TATDN1: variants seen among roughly 807,000 people sequenced by gnomAD.
TATDN1 encodes TatD DNase domain containing 1.
In TATDN1, 40 loss-of-function variants were observed where a neutral mutation model predicts 46.4. The observed-to-expected ratio is 0.86, with a 90% CI of 0.67 to 1.12. The LOEUF is 1.12. TATDN1 is among the 50% of genes most tolerant of loss of function. The pLI is 0.00. For synonymous variants in TATDN1, 95 were observed against 105.6 expected (o/e 0.90, Z 0.62); for missense variants, 326 against 348.4 (o/e 0.94, Z 0.51).
At chr8:124,519,262 G>A (rs924570698) in intron 3 of TATDN1, among the ~76,000 whole-genome samples, 1 of 152,098 alleles carries the variant, frequency 6.6e-6, no homozygotes, top group Non-Finnish European at 1.5e-5. Context: ...GGTGTAGTCT[G>A]GTAACTCCCA....
chr8:124,520,942 C>CAAAAAAAAAAAAA (rs1162309758), intron 3 of TATDN1, among the ~76,000 whole-genome samples: 1 of 82,246 alleles, frequency 1.2e-5, no homozygotes, highest in Non-Finnish European at 2.5e-5. Flanking sequence ...GACTCCGTCT[C>CAAAAAAAAAAAAA]AAAAAAAAAA....
intron 11 of TATDN1, chr8:124,489,900 G>A (rs1816813666): frequency 6.6e-6 from 1 of 152,166 alleles, no homozygotes; most frequent in Non-Finnish European, 1.5e-5. Context: ...AAGGAATTAA[G>A]GATGGAGATC....
At chr8:124,490,864 C>T (rs911620707) in intron 11 of TATDN1, among the ~76,000 whole-genome samples, 3 of 151,784 alleles carry the variant, frequency 2.0e-5, no homozygotes, top group Non-Finnish European at 4.4e-5. Context: ...CTCACTACAA[C>T]CTCTGCCTCT....
chr8:124,489,660 C>T (rs1816776837), intron 11 of TATDN1: 1 of 152,256 alleles, frequency 6.6e-6, no homozygotes, highest in African/African-American at 2.4e-5. Context: ...TGATCCACCC[C>T]ACCTGGGCCT....
At chr8:124,517,492 T>C (rs894815856) in intron 4 of TATDN1, among the ~76,000 whole-genome samples, 4 of 151,858 alleles carry the variant, frequency 2.6e-5, no homozygotes, top group Non-Finnish European at 5.9e-5. Flanking sequence ...TTAGAGAGAT[T>C]TCCATAAAAA....
At chr8:124,508,444 CTGTA>C in intron 8 of TATDN1, 26 bp downstream of exon 8, 1 of 1,593,470 alleles carries the variant, frequency 6.3e-7, no homozygotes, top group Non-Finnish European at 8.6e-7. Flanking sequence ...GATGTTCAAC[CTGTA>C]TTAAAAATGA....
chr8:124,496,328 C>A (rs1227356712), intron 9 of TATDN1, among the ~76,000 whole-genome samples: 1 of 152,146 alleles, frequency 6.6e-6, no homozygotes, highest in Non-Finnish European at 1.5e-5. Context: ...CATTGATGAA[C>A]CTACCTTGAC....
chr8:124,535,229 A>C (rs1821328764), intron 1 of TATDN1, among the ~76,000 whole-genome samples: 1 of 152,218 alleles, frequency 6.6e-6, no homozygotes, highest in Non-Finnish European at 1.5e-5. Context: ...AGGAGATTCC[A>C]AGGGTTTCAG....
At chr8:124,523,148 G>A (rs934379332) in intron 1 of TATDN1, 146 bp from the exon 2 acceptor site, 9 of 650,396 alleles carry the variant, frequency 1.4e-5, no homozygotes, top group Non-Finnish European at 1.9e-5. Flanking sequence ...CAACTACTGT[G>A]CTAGAAACAT....
In TATDN1 at chr8:124,518,835, T is replaced by C. The variant is rs1819778760; in HGVS notation, c.185A>G (p.His62Arg). The part of the protein sequence containing the change: ...GNLQDSKDAL[H>R]LAQTNGMFFS... ...GAGGATACCATTTGTTTGTGCCAAA[T>C]GCAGTGCATCTTTACTGTCTTGTAG... The change falls in exon 4 of 12, where the codon CAT becomes CGT. Residue 62 changes from histidine to arginine, a missense_variant. His to Arg is a conservative substitution (Grantham distance 29). Transcript: ENST00000276692. 6.2e-7 allele frequency: 1 copy of C among 1,611,676 alleles called. No individual in the cohort carries two copies. The highest frequency in any genetic ancestry group is 1.3e-5 in the African/African-American group (1 of 75,018).
rs2072424421 is a variant in TATDN1 at position 124,501,144 on chromosome 8, C to T, written c.593+3127G>A. 2.6e-5 allele frequency among the ~76,000 whole-genome samples: 4 copies of T among 152,212 alleles called. No individual in the cohort carries two copies. The South Asian group carries it at 8.3e-4, about 32-fold the overall frequency. On this transcript the variant is annotated intron_variant, in intron 9 of 11. Coordinates refer to ENST00000276692, the MANE Select transcript of TATDN1 (RefSeq NM_032026.4). ...GAGGAGTACAGGCGTCAGGCACAGG[C>T]CTGAGCATGGAGACTGGGGCAGCCC... is the stretch of plus-strand genomic sequence containing the variant.
intron 1 of TATDN1, among the ~76,000 whole-genome samples, chr8:124,531,366 C>T (rs557086174): frequency 1.3e-5 from 2 of 152,248 alleles, no homozygotes; most frequent in African/African-American, 2.4e-5. Flanking sequence ...CTGTAACTTT[C>T]GCCAGCTCGC....
intron 6 of TATDN1, among the ~76,000 whole-genome samples, chr8:124,513,393 T>G (rs1225823852): frequency 1.3e-5 from 2 of 152,248 alleles, no homozygotes. Context: ...CCCTCTGCTG[T>G]TCACATACTT....
chr8:124,531,615 T>C (rs963974374), intron 1 of TATDN1, among the ~76,000 whole-genome samples: 7 of 152,186 alleles, frequency 4.6e-5, no homozygotes, highest in Middle Eastern at 3.2e-3. Context: ...CCTACCTCAA[T>C]GAGAATACAT....
chr8:124,505,552 A>G (rs1020071609), intron 8 of TATDN1, among the ~76,000 whole-genome samples: 6 of 151,234 alleles, frequency 4.0e-5, no homozygotes, highest in Non-Finnish European at 5.9e-5. Context: ...AAAAAAAAAA[A>G]GCATAAACCA....
At chr8:124,522,689 G>A (rs528049163) in intron 2 of TATDN1, among the ~76,000 whole-genome samples, 2 of 152,288 alleles carry the variant, frequency 1.3e-5, no homozygotes, top group East Asian at 1.9e-4. Context: ...AAAGTGCTGG[G>A]ATTACAGGCA....
intron 8 of TATDN1, among the ~76,000 whole-genome samples, chr8:124,507,059 G>A (rs1410432410): frequency 6.6e-6 from 1 of 152,096 alleles, no homozygotes; most frequent in African/African-American, 2.4e-5. Flanking sequence ...GTACTTGGGA[G>A]GCTGAGGCAG....
intron 1 of TATDN1, among the ~76,000 whole-genome samples, chr8:124,537,748 G>A (rs895916884): frequency 7.9e-5 from 12 of 151,950 alleles, no homozygotes; most frequent in East Asian, 1.9e-4. Flanking sequence ...GCTAAGACAC[G>A]GCAATGTCTT....
rs192842257 is a variant in TATDN1 at position 124,500,579 on chromosome 8, A to T, written c.593+3692T>A. Among the ~76,000 whole-genome samples the T allele has an allele frequency of 9.2e-5, 14 of 151,892 alleles. No homozygotes were observed. The East Asian group carries it at 2.5e-3, about 27-fold the overall frequency. Reference sequence around the variant, plus strand: ...GACATTAGCCAAGCATGGTGATAGGAGCTTGTGGTCTCAGCTATTATACTT... The same window carrying T: ...GACATTAGCCAAGCATGGTGATAGGTGCTTGTGGTCTCAGCTATTATACTT... On this transcript the variant is annotated intron_variant, in intron 9 of 11. Coordinates refer to ENST00000276692, the MANE Select transcript of TATDN1 (RefSeq NM_032026.4).
Sources: allele counts gnomAD v4.1 joint callset (sites outside exome capture counted in the v4.1 genomes callset), GRCh38; gene constraint gnomAD v4.1.1; transcripts MANE v1.5; gene names NCBI Gene and HGNC (gene_info 2026-07-23, HGNC 2026-07-21).